The following PPP2R2B variants were observed in gnomAD, a reference collection of about 807,000 sequenced individuals.
PPP2R2B encodes the protein serine/threonine-protein phosphatase 2A 55 kDa regulatory subunit B beta isoform.
PPP2R2B carries 5 observed loss-of-function variants against 46.0 expected under a neutral mutation model. The observed-to-expected ratio is 0.11, with a 90% CI of 0.06 to 0.23. The LOEUF (loss-of-function observed/expected upper bound fraction) is 0.23. Among genes scored for constraint, PPP2R2B ranks in the 10% least tolerant of loss-of-function variants. The pLI, the probability that PPP2R2B is intolerant of heterozygous loss-of-function variation, is 1.00. For missense variants in PPP2R2B, 367 were observed against 575.0 expected, an observed-to-expected ratio of 0.64 and a Z score of 3.70; for synonymous variants, 215 against 206.7, an observed-to-expected ratio of 1.04 and a Z score of -0.34.
chr5:146,648,117 G>A (rs939589469), intron 6 of PPP2R2B, among the ~76,000 whole-genome samples: 3 of 152,300 alleles, frequency 2.0e-5, no homozygotes, highest in African/African-American at 2.4e-5. Flanking sequence ...AGGCTGCCTT[G>A]CAGTTAAGAG....
intron 1 of PPP2R2B, among the ~76,000 whole-genome samples, chr5:147,038,806 G>A (rs1449577885): frequency 6.6e-6 from 1 of 152,114 alleles, no homozygotes; most frequent in African/African-American, 2.4e-5. Flanking sequence ...GAAAAATCCA[G>A]GATTGAACCC....
chr5:146,968,615 T>G (rs1266918200), intron 1 of PPP2R2B, among the ~76,000 whole-genome samples: 1 of 152,254 alleles, frequency 6.6e-6, no homozygotes, highest in Admixed American at 6.5e-5. Context: ...TCTTTAATTT[T>G]TTGTGTTGTT....
intron 1 of PPP2R2B, among the ~76,000 whole-genome samples, chr5:147,048,552 G>A (rs994521486): frequency 3.3e-5 from 5 of 152,172 alleles, no homozygotes; most frequent in Admixed American, 1.3e-4. Context: ...TGTGGTGAAT[G>A]CAGTGGGAAA....
At chr5:146,889,176 A>C (rs987042204) in intron 1 of PPP2R2B, among the ~76,000 whole-genome samples, 1 of 152,224 alleles carries the variant, frequency 6.6e-6, no homozygotes, top group Non-Finnish European at 1.5e-5. Flanking sequence ...TTAATGAACA[A>C]CAAACCTAGG....
rs1377693483 is a variant in PPP2R2B at position 146,982,944 on chromosome 5, A to C, written c.79+72721T>G. Among the ~76,000 whole-genome samples the C allele has an allele frequency of 5.9e-5, 9 of 152,170 alleles. No homozygotes were observed. In the East Asian group the frequency reaches 1.7e-3, roughly 29 times the overall value. ...TATATTTGAAGTGAGTTTCTTATAG[A>C]GAGCATATTGTTAGCTTACGTTTTC... On this transcript the variant is annotated intron_variant, in intron 1 of 8. Coordinates refer to the PPP2R2B transcript ENST00000336640.
chr5:146,732,048 A>G (rs1308173263), intron 2 of PPP2R2B, among the ~76,000 whole-genome samples: 1 of 152,106 alleles, frequency 6.6e-6, no homozygotes, highest in African/African-American at 2.4e-5. Context: ...GAGATTTTTG[A>G]TGGAATGTAG....
At chr5:146,728,988 C>A (rs1752056531) in intron 2 of PPP2R2B, among the ~76,000 whole-genome samples, 2 of 152,090 alleles carry the variant, frequency 1.3e-5, no homozygotes, top group African/African-American at 4.8e-5. Flanking sequence ...GTGGAAGCAA[C>A]TTTGGAACTG....
intron 1 of PPP2R2B, among the ~76,000 whole-genome samples, chr5:146,970,496 T>C (rs902912196): frequency 6.6e-6 from 1 of 152,070 alleles, no homozygotes; most frequent in African/African-American, 2.4e-5. Context: ...CTTGGGAGAC[T>C]GAGGCATGGG....
At chr5:146,861,175 C>G (rs916331346) in intron 2 of PPP2R2B, among the ~76,000 whole-genome samples, 2 of 151,530 alleles carry the variant, frequency 1.3e-5, no homozygotes, top group African/African-American at 4.9e-5. Context: ...CCTGCCTCAG[C>G]CTCCTGAGTA....
At chr5:146,750,287 G>A (rs1198913969) in intron 2 of PPP2R2B, among the ~76,000 whole-genome samples, 1 of 151,640 alleles carries the variant, frequency 6.6e-6, no homozygotes, top group East Asian at 1.9e-4. Context: ...TGGTTCCTTT[G>A]GTTTTCCATA....
intron 1 of PPP2R2B, among the ~76,000 whole-genome samples, chr5:146,925,536 C>T (rs944795188): frequency 6.6e-6 from 1 of 152,106 alleles, no homozygotes. Flanking sequence ...TTCTATGGTG[C>T]GTGCTATTCT....
chr5:146,815,035 C>T (rs550025845), intron 2 of PPP2R2B, among the ~76,000 whole-genome samples: 42 of 152,308 alleles, frequency 2.8e-4, no homozygotes, highest in Non-Finnish European at 4.6e-4. Context: ...GACTCAGATA[C>T]GTTCCGCTGC....
intron 1 of PPP2R2B, among the ~76,000 whole-genome samples, chr5:146,960,708 G>A (rs573275748): frequency 6.6e-6 from 1 of 152,284 alleles, no homozygotes; most frequent in Non-Finnish European, 1.5e-5. Context: ...TGGTTAATGT[G>A]TCTTTCAGGC....
chr5:146,799,997 C>G (rs1160480358), intron 2 of PPP2R2B, among the ~76,000 whole-genome samples: 1 of 151,906 alleles, frequency 6.6e-6, no homozygotes, highest in Non-Finnish European at 1.5e-5. Context: ...TCTCCCATTG[C>G]TCAACACGAT....
At chr5:146,734,174 G>A (rs1481321071) in intron 2 of PPP2R2B, among the ~76,000 whole-genome samples, 3 of 151,042 alleles carry the variant, frequency 2.0e-5, no homozygotes, top group African/African-American at 7.3e-5. Context: ...TCCCACCTTC[G>A]CCTCCCAAGT....
At chr5:147,043,388 A>C (rs1419174151) in intron 1 of PPP2R2B, among the ~76,000 whole-genome samples, 2 of 152,068 alleles carry the variant, frequency 1.3e-5, no homozygotes, top group East Asian at 3.9e-4. Flanking sequence ...GTGTTTTTGC[A>C]AGAAGAGAAA....
chr5:146,757,773 A>G (rs1753925923), intron 2 of PPP2R2B, among the ~76,000 whole-genome samples: 1 of 152,188 alleles, frequency 6.6e-6, no homozygotes, highest in Non-Finnish European at 1.5e-5. Flanking sequence ...AACTGCAAGA[A>G]AGTTCCAGAA....
chr5:146,593,255 G>A (rs1770837996), intron 8 of PPP2R2B, among the ~76,000 whole-genome samples, 193 bp from the exon 9 acceptor site: 1 of 152,212 alleles, frequency 6.6e-6, no homozygotes, highest in South Asian at 2.1e-4. Flanking sequence ...AGCTTCTCAT[G>A]TAGATGATAT....
At chr5:146,639,329 T>G (rs992456710) in intron 6 of PPP2R2B, among the ~76,000 whole-genome samples, 1 of 149,810 alleles carries the variant, frequency 6.7e-6, no homozygotes, top group Non-Finnish European at 1.5e-5. Context: ...ATCATCTGGG[T>G]TTTTTTTTCT....
Sources: gnomAD v4.1 joint callset for allele counts (sites outside exome capture counted in the v4.1 genomes callset) on GRCh38, gnomAD v4.1.1 for gene constraint, MANE v1.5 for transcripts, NCBI Gene and HGNC (gene_info 2026-07-23, HGNC 2026-07-21) for gene names.